Variants in ALX4 observed in about 807,000 individuals in gnomAD.
ALX4 encodes ALX homeobox 4.
In ALX4, 22 loss-of-function variants were observed where a neutral mutation model predicts 40.6. The ratio of observed to expected loss-of-function variants is 0.54; its 90% CI spans 0.39 to 0.77. The LOEUF (loss-of-function observed/expected upper bound fraction) is 0.77. ALX4 is among the 30% of genes least tolerant of loss of function. The pLI is 0.00. For missense variants in ALX4, 556 were observed against 564.8 expected (o/e 0.98, Z 0.16); for synonymous variants, 266 against 240.5 (o/e 1.11, Z -0.98).
At chr11:44,273,175 T>A (rs1285180307) in intron 2 of ALX4, among the ~76,000 whole-genome samples, 4 of 140,758 alleles carry the variant, frequency 2.8e-5, no homozygotes, top group African/African-American at 1.1e-4. Flanking sequence ...CTGAGCTGCA[T>A]GGCGCTTTGC....
intron 1 of ALX4, among the ~76,000 whole-genome samples, chr11:44,278,593 C>A (rs1956291404): frequency 6.6e-6 from 1 of 152,184 alleles, no homozygotes; most frequent in African/African-American, 2.4e-5. Flanking sequence ...TCCAGTTTTG[C>A]CCACCTCCAG....
chr11:44,294,643 G>A (rs1453508928), intron 1 of ALX4, among the ~76,000 whole-genome samples: 1 of 151,902 alleles, frequency 6.6e-6, no homozygotes, highest in Admixed American at 6.6e-5. Flanking sequence ...CAACCACACA[G>A]TAATCATAGA....
chr11:44,275,657 A>G lies in ALX4; in HGVS notation c.468T>C (p.Ala156=). ...HSAALQVPCY[A]KESSLGEPEL... ...CTGGCTCACCCAGGGAGCTCTCTTT[A>G]GCTGAGGGAGGAGGAAACAAAGTCA... The change falls in exon 2 of 4, where the codon GCT becomes GCC. Residue 156 remains alanine, a splice_region_variant and synonymous_variant. Transcript: ENST00000652299. 6.2e-7 allele frequency: 1 copy of G among 1,612,214 alleles called. No homozygotes were observed.
At chr11:44,295,506 C>T (rs747688701) in intron 1 of ALX4, among the ~76,000 whole-genome samples, 24 of 152,238 alleles carry the variant, frequency 1.6e-4, no homozygotes, top group Non-Finnish European at 3.4e-4. Context: ...GAAGGGGAGC[C>T]GGGGACAGCT....
Position 44,261,323 on chromosome 11 carries a change from C to T in ALX4, c.*3531G>A, listed in dbSNP as rs575864402. Reference sequence around the variant, plus strand: ...TTCATGGAAGCGTCCCTCGTCTGCCCAGCCGAAATGACAGGAGATGGGGCA... The same window carrying T: ...TTCATGGAAGCGTCCCTCGTCTGCCTAGCCGAAATGACAGGAGATGGGGCA... On this transcript the variant is annotated 3_prime_UTR_variant, in exon 4 of 4. Coordinates refer to ENST00000652299, the MANE Select transcript of ALX4 (RefSeq NM_021926.4). 6.6e-6 allele frequency: 1 copy of T among 152,260 alleles called. No individual in the cohort carries two copies. Among genetic ancestry groups the T allele is most frequent in the Non-Finnish European group, 1.5e-5 (1 of 68,048 alleles). 9.4% of individuals were successfully genotyped at this position (152,260 alleles called of 1,614,324 possible). A position where few individuals can be genotyped will look rare whatever the true frequency, so the allele number is the denominator to read the frequency against.
intron 1 of ALX4, among the ~76,000 whole-genome samples, chr11:44,308,663 G>A (rs1357379247): frequency 6.6e-6 from 1 of 152,214 alleles, no homozygotes; most frequent in East Asian, 1.9e-4. Flanking sequence ...CTGTGCTCTG[G>A]GGGGCCCAGG....
At chr11:44,290,870 T>G (rs930126867) in intron 1 of ALX4, among the ~76,000 whole-genome samples, 1 of 152,098 alleles carries the variant, frequency 6.6e-6, no homozygotes, top group African/African-American at 2.4e-5. Flanking sequence ...AGACGGCATA[T>G]CCCCTGACCC....
At chr11:44,277,068 C>T (rs569211723) in intron 1 of ALX4, among the ~76,000 whole-genome samples, 1 of 152,186 alleles carries the variant, frequency 6.6e-6, no homozygotes, top group African/African-American at 2.4e-5. Context: ...AGCTTACCTA[C>T]CCGCTATGTG....
intron 1 of ALX4, among the ~76,000 whole-genome samples, chr11:44,281,345 G>A (rs761816817): frequency 9.2e-5 from 14 of 152,084 alleles, no homozygotes; most frequent in South Asian, 4.1e-4. Flanking sequence ...GTGTGTCCCC[G>A]TGGGCAGTTG....
At chr11:44,268,017 A>C (rs986800898) in intron 2 of ALX4, among the ~76,000 whole-genome samples, 1 of 152,224 alleles carries the variant, frequency 6.6e-6, no homozygotes, top group African/African-American at 2.4e-5. Context: ...CTCCTAGACA[A>C]TCACACACAG....
chr11:44,265,782 C>T (rs1309554433), intron 3 of ALX4, among the ~76,000 whole-genome samples: 1 of 152,146 alleles, frequency 6.6e-6, no homozygotes, highest in Non-Finnish European at 1.5e-5. Context: ...GAAGGGGCTG[C>T]CTCAGGAGTG....
intron 1 of ALX4, among the ~76,000 whole-genome samples, chr11:44,307,067 A>G (rs1956472918): frequency 6.6e-6 from 1 of 150,612 alleles, no homozygotes; most frequent in Non-Finnish European, 1.5e-5. Context: ...CCTGCAGTTT[A>G]TGACCCAGAG....
chr11:44,283,505 G>C (rs1346313740), intron 1 of ALX4, among the ~76,000 whole-genome samples: 1 of 152,296 alleles, frequency 6.6e-6, no homozygotes, highest in East Asian at 1.9e-4. Context: ...ATAGGGGATT[G>C]GTTAAATAAA....
chr11:44,274,146 G>T (rs1206081733), intron 2 of ALX4, among the ~76,000 whole-genome samples: 1 of 151,906 alleles, frequency 6.6e-6, no homozygotes, highest in Non-Finnish European at 1.5e-5. Context: ...TCTCTAAAAA[G>T]AAAACAAAAA....
At chr11:44,289,836 C>T (rs1013500894) in intron 1 of ALX4, among the ~76,000 whole-genome samples, 16 of 152,142 alleles carry the variant, frequency 1.1e-4, no homozygotes, top group African/African-American at 2.9e-4. Flanking sequence ...CCCGGCTCCT[C>T]GTCCCATCCC....
intron 1 of ALX4, among the ~76,000 whole-genome samples, chr11:44,291,548 A>C (rs1956369384): frequency 6.6e-6 from 1 of 152,022 alleles, no homozygotes; most frequent in African/African-American, 2.4e-5. Context: ...AGCTGAGGCT[A>C]CAGGCACATG....
chr11:44,300,980 T>C (rs1219375985), intron 1 of ALX4, among the ~76,000 whole-genome samples: 2 of 152,228 alleles, frequency 1.3e-5, no homozygotes, highest in Non-Finnish European at 1.5e-5. Flanking sequence ...CCTCAGAGCC[T>C]GAGTCAGGGC....
At chr11:44,297,110 G>A (rs1291887283) in intron 1 of ALX4, among the ~76,000 whole-genome samples, 1 of 151,722 alleles carries the variant, frequency 6.6e-6, no homozygotes, top group Non-Finnish European at 1.5e-5. Context: ...TGTGATGGCG[G>A]TTCCCGTTTA....
chr11:44,303,468 C>G (rs1047484723), intron 1 of ALX4, among the ~76,000 whole-genome samples: 1 of 152,268 alleles, frequency 6.6e-6, no homozygotes, highest in African/African-American at 2.4e-5. Flanking sequence ...AAAACGGCAC[C>G]CTGGGAGCCG....
Sources: allele counts gnomAD v4.1 joint callset (sites outside exome capture counted in the v4.1 genomes callset), GRCh38; gene constraint gnomAD v4.1.1; transcripts MANE v1.5; gene names NCBI Gene and HGNC (gene_info 2026-07-23, HGNC 2026-07-21).